Variants in GNAQ observed in about 807,000 individuals in gnomAD.
GNAQ encodes guanine nucleotide-binding protein G(q) subunit alpha.
A neutral mutation model predicts 43.9 loss-of-function variants in GNAQ; 8 were observed. The ratio of observed to expected loss-of-function variants is 0.18; its 90% confidence interval spans 0.11 to 0.33. The LOEUF (loss-of-function observed/expected upper bound fraction) is 0.33, where lower values mean the gene tolerates loss of function less well. Ranked by LOEUF, GNAQ falls within the 10% of genes least tolerant of loss-of-function variation. The probability of loss-of-function intolerance (pLI) is 1.00; values close to 1 mark genes in which losing one functional copy is unlikely to be tolerated. For synonymous variants in GNAQ, 155 were observed against 170.7 expected (o/e 0.91, Z 0.71); for missense variants, 158 against 450.8 (o/e 0.35, Z 5.88).
At chr9:77,917,370 G>A (rs1035136673) in intron 2 of GNAQ, among the ~76,000 whole-genome samples, 2 of 152,074 alleles carry the variant, frequency 1.3e-5, no homozygotes, top group Admixed American at 1.3e-4. Flanking sequence ...GGCGGAAGGA[G>A]GGTGGGGGGG....
chr9:77,962,931 G>A lies in GNAQ; in HGVS notation c.137-40586C>T, dbSNP rs558334211. Reference sequence around the variant, plus strand: ...AAAAAAAAAACAGTGCATGGAAAATGTGTATTATGAAAAAACTATGCATGG... The same window carrying A: ...AAAAAAAAAACAGTGCATGGAAAATATGTATTATGAAAAAACTATGCATGG... On this transcript the variant is annotated intron_variant, in intron 1 of 6. Coordinates refer to ENST00000286548, the MANE Select transcript of GNAQ (RefSeq NM_002072.5). Among the ~76,000 whole-genome samples the A allele has an allele frequency of 1.1e-3, 168 of 146,894 alleles. 2 individuals carry two copies. The highest frequency in any genetic ancestry group is 4.0e-3 in the African/African-American group (160 of 40,184).
intron 2 of GNAQ, among the ~76,000 whole-genome samples, chr9:77,825,514 A>G (rs934846065): frequency 6.6e-6 from 1 of 152,140 alleles, no homozygotes; most frequent in African/African-American, 2.4e-5. Flanking sequence ...CATCTTTCAG[A>G]CTGGAAGAGT....
intron 1 of GNAQ, among the ~76,000 whole-genome samples, chr9:77,996,811 G>A (rs941996985): frequency 6.6e-6 from 1 of 151,926 alleles, no homozygotes; most frequent in East Asian, 1.9e-4. Context: ...TATTTCACAG[G>A]ATCCAGGCTG....
intron 3 of GNAQ, among the ~76,000 whole-genome samples, chr9:77,800,781 T>C (rs150235104): frequency 1.0e-3 from 156 of 152,294 alleles, no homozygotes; most frequent in African/African-American, 3.7e-3. Context: ...AAAAATCAGA[T>C]AGCTACTCTG....
chr9:77,872,492 A>T (rs1290399144), intron 2 of GNAQ, among the ~76,000 whole-genome samples: 4 of 152,212 alleles, frequency 2.6e-5, no homozygotes, highest in Non-Finnish European at 5.9e-5. Context: ...TATACATATA[A>T]ATTTGTAATA....
chr9:77,810,129 A>C (rs1030174524), intron 3 of GNAQ, among the ~76,000 whole-genome samples: 4 of 152,142 alleles, frequency 2.6e-5, no homozygotes, highest in African/African-American at 9.7e-5. Flanking sequence ...GATTTATAAA[A>C]CACCTAATCA....
chr9:77,904,879 C>A (rs1402595580), intron 2 of GNAQ, among the ~76,000 whole-genome samples: 1 of 151,198 alleles, frequency 6.6e-6, no homozygotes. Flanking sequence ...AGGAGACACA[C>A]GAAGAAACAC....
At chr9:77,847,476 T>C (rs1488878955) in intron 2 of GNAQ, among the ~76,000 whole-genome samples, 1 of 152,182 alleles carries the variant, frequency 6.6e-6, no homozygotes, top group Non-Finnish European at 1.5e-5. Context: ...GGCAGAGTGC[T>C]GCCTTACAAT....
chr9:77,731,220 T>TGACTAGACTAC (rs1825482465), intron 5 of GNAQ, among the ~76,000 whole-genome samples: 1 of 151,936 alleles, frequency 6.6e-6, no homozygotes, highest in Admixed American at 6.6e-5. Context: ...GACTAGACTA[T>TGACTAGACTAC]GCGCAGAGAC....
intron 2 of GNAQ, among the ~76,000 whole-genome samples, chr9:77,847,276 T>C (rs2117908933): frequency 6.6e-6 from 1 of 152,306 alleles, no homozygotes; most frequent in South Asian, 2.1e-4. Flanking sequence ...TTTTGGCAAA[T>C]AAATTCAGAA....
chr9:78,025,990 A>G (rs1023404329), intron 1 of GNAQ, among the ~76,000 whole-genome samples: 1 of 152,176 alleles, frequency 6.6e-6, no homozygotes, highest in African/African-American at 2.4e-5. Flanking sequence ...GGGTAATAAA[A>G]ATCGTAACTG....
At chr9:77,761,476 T>C (rs1305220) in intron 5 of GNAQ, among the ~76,000 whole-genome samples, 23 of 83,994 alleles carry the variant, frequency 2.7e-4, no homozygotes, top group African/African-American at 3.7e-4. Context: ...GCCTGGCCAG[T>C]CGCCCAGTCC....
chr9:77,912,767 TA>T (rs892088997), intron 2 of GNAQ, among the ~76,000 whole-genome samples: 4 of 152,050 alleles, frequency 2.6e-5, no homozygotes, highest in Non-Finnish European at 4.4e-5. Context: ...AGTAAACATA[TA>T]AAAAAGTGCT....
At chr9:77,907,213 T>C (rs925933620) in intron 2 of GNAQ, among the ~76,000 whole-genome samples, 31 of 152,296 alleles carry the variant, frequency 2.0e-4, no homozygotes, top group Admixed American at 7.2e-4. Flanking sequence ...AAGTTTTTCA[T>C]AGAGTTGTGC....
At chr9:78,022,878 G>C (rs141776560) in intron 1 of GNAQ, among the ~76,000 whole-genome samples, 1 of 152,270 alleles carries the variant, frequency 6.6e-6, no homozygotes, top group East Asian at 1.9e-4. Context: ...CAGGCTGATT[G>C]GGTATAACAA....
At chr9:77,844,789 C>T (rs1234861466) in intron 2 of GNAQ, among the ~76,000 whole-genome samples, 1 of 152,064 alleles carries the variant, frequency 6.6e-6, no homozygotes, top group Non-Finnish European at 1.5e-5. Flanking sequence ...TCTCCCACCT[C>T]AGCCTCCCGA....
chr9:77,861,336 A>C (rs1827847282), intron 2 of GNAQ, among the ~76,000 whole-genome samples: 1 of 152,190 alleles, frequency 6.6e-6, no homozygotes, highest in South Asian at 2.1e-4. Context: ...GGAAACAGCC[A>C]AACCATTATT....
intron 2 of GNAQ, among the ~76,000 whole-genome samples, chr9:77,817,089 A>T (rs1044882102): frequency 2.6e-4 from 39 of 152,078 alleles, no homozygotes; most frequent in African/African-American, 8.9e-4. Flanking sequence ...CTGTGTAGGC[A>T]ATCTTCCGTG....
rs546146690 is a variant in GNAQ, at chr9:77,876,166, C to A, written c.321+45995G>T. ...CCCTGAAGCAGAAAAAGAACTGGCA[C>A]CAGGATTCCACAAAGCTGGCCCCAA... On this transcript the variant is annotated intron_variant, in intron 2 of 6. Transcript: ENST00000286548. Among the ~76,000 whole-genome samples, 18 of 152,260 alleles carry A rather than the reference C, an allele frequency of 1.2e-4. No homozygotes were observed. The South Asian group carries it at 3.7e-3, about 32-fold the overall frequency.
Sources: gnomAD v4.1 joint callset for allele counts (sites outside exome capture counted in the v4.1 genomes callset) on GRCh38, gnomAD v4.1.1 for gene constraint, MANE v1.5 for transcripts, NCBI Gene and HGNC (gene_info 2026-07-23, HGNC 2026-07-21) for gene names.